MGAT5: variants seen among roughly 807,000 people sequenced by gnomAD.
MGAT5 encodes alpha-1,6-mannosylglycoprotein 6-beta-N-acetylglucosaminyltransferase.
MGAT5 carries 30 observed loss-of-function variants against 94.3 expected under a neutral mutation model. The ratio of observed to expected loss-of-function variants is 0.32; its 90% CI spans 0.24 to 0.43. The LOEUF is 0.43. Among genes scored for constraint, MGAT5 ranks in the 20% least tolerant of loss-of-function variants. MGAT5 has a pLI of 1.00. For synonymous variants in MGAT5, 310 were observed against 322.9 expected (o/e 0.96, Z 0.43); for missense variants, 691 against 905.5 (o/e 0.76, Z 3.04).
Position 134,393,378 on chromosome 2 carries a change from T to G in MGAT5, c.1381-9610T>G, listed in dbSNP as rs1171201270. Among the ~76,000 whole-genome samples the G allele has an allele frequency of 3.3e-5, 5 of 152,294 alleles. No individual in the cohort carries two copies. In the South Asian group the frequency reaches 1.0e-3, roughly 32 times the overall value. Reference sequence around the variant, plus strand: ...CTCCCCTGTCTCCACTCTGAGTAATTAATGCCACCCCTTCTGTGAGACTGC... The same window carrying G: ...CTCCCCTGTCTCCACTCTGAGTAATGAATGCCACCCCTTCTGTGAGACTGC... On this transcript the variant is annotated intron_variant, in intron 10 of 15. Coordinates refer to ENST00000281923, the MANE Select transcript of MGAT5 (RefSeq NM_002410.5).
At chr2:134,381,374 A>AGATAGATAGATAAGATT (rs60788131) in intron 10 of MGAT5, among the ~76,000 whole-genome samples, 3 of 60,674 alleles carry the variant, frequency 4.9e-5, no homozygotes, top group Non-Finnish European at 9.9e-5. Flanking sequence ...TAGATAAGAT[A>AGATAGATAGATAAGATT]AGATAGATTA....
At chr2:134,396,292 A>G (rs1032353706) in intron 10 of MGAT5, among the ~76,000 whole-genome samples, 39 of 152,078 alleles carry the variant, frequency 2.6e-4, no homozygotes, top group African/African-American at 2.4e-5. Flanking sequence ...TGAAATGTAA[A>G]TTTTTTCGGC....
intron 2 of MGAT5, among the ~76,000 whole-genome samples, chr2:134,305,346 G>A (rs1172657102): frequency 6.6e-6 from 1 of 152,118 alleles, no homozygotes; most frequent in East Asian, 1.9e-4. Flanking sequence ...TAGAATCCCT[G>A]TTTCTAACCA....
intron 1 of MGAT5, among the ~76,000 whole-genome samples, chr2:134,153,169 C>G (rs909835230): frequency 3.9e-5 from 6 of 152,178 alleles, no homozygotes; most frequent in African/African-American, 1.4e-4. Context: ...ATCTGCCTGC[C>G]TCAGCCTCCC....
chr2:134,179,643 G>A (rs1688642519), intron 1 of MGAT5, among the ~76,000 whole-genome samples: 1 of 152,228 alleles, frequency 6.6e-6, no homozygotes, highest in Non-Finnish European at 1.5e-5. Flanking sequence ...AACCCAGGCA[G>A]TCTGGTCCCC....
chr2:134,167,137 A>G (rs17711951), intron 1 of MGAT5, among the ~76,000 whole-genome samples: 1 of 152,274 alleles, frequency 6.6e-6, no homozygotes, highest in Non-Finnish European at 1.5e-5. Context: ...TTTGTTACTG[A>G]TTTGTTCCTG....
intron 1 of MGAT5, among the ~76,000 whole-genome samples, chr2:134,260,670 C>T (rs1169283205): frequency 6.7e-6 from 1 of 150,028 alleles, no homozygotes; most frequent in African/African-American, 2.5e-5. Context: ...GAAATATGGT[C>T]AAGGAATAGG....
intron 1 of MGAT5, among the ~76,000 whole-genome samples, chr2:134,123,850 C>T (rs1685723378): frequency 6.6e-6 from 1 of 152,120 alleles, no homozygotes; most frequent in African/African-American, 2.4e-5. Flanking sequence ...GCATTTGGGA[C>T]TTGTCAGTGC....
chr2:134,377,318 A>G (rs193215071), intron 10 of MGAT5, among the ~76,000 whole-genome samples: 1 of 152,252 alleles, frequency 6.6e-6, no homozygotes, highest in East Asian at 1.9e-4. Context: ...CAGGCCTCAT[A>G]GCTGTGGTCT....
At chr2:134,200,053 T>G (rs1200770033) in intron 1 of MGAT5, among the ~76,000 whole-genome samples, 1 of 152,196 alleles carries the variant, frequency 6.6e-6, no homozygotes, top group Non-Finnish European at 1.5e-5. Flanking sequence ...GATGTCATGT[T>G]GAAATGAGGA....
chr2:134,301,157 A>C (rs887929149), intron 2 of MGAT5, among the ~76,000 whole-genome samples: 4 of 152,140 alleles, frequency 2.6e-5, no homozygotes, highest in Admixed American at 2.0e-4. Flanking sequence ...TTTTCTCAGC[A>C]TAGCGTTTTC....
chr2:134,176,805 T>C (rs1483258452), intron 1 of MGAT5, among the ~76,000 whole-genome samples: 3 of 152,154 alleles, frequency 2.0e-5, no homozygotes, highest in Admixed American at 1.3e-4. Context: ...TGCTGCAGGC[T>C]CCCCTTGGAG....
chr2:134,246,185 AAAG>A (rs1394946967), intron 1 of MGAT5, among the ~76,000 whole-genome samples: 3 of 151,594 alleles, frequency 2.0e-5, no homozygotes, highest in African/African-American at 7.3e-5. Context: ...AAAAAAAAAA[AAAG>A]GACCCAGGTC....
At chr2:134,402,967 T>C (rs761268589) in intron 10 of MGAT5, 21 bp from the exon 11 acceptor site, 2 of 1,575,016 alleles carry the variant, frequency 1.3e-6, no homozygotes, top group East Asian at 4.6e-5. Flanking sequence ...AGAAATGTCT[T>C]GTGCTTGTTT....
chr2:134,350,007 T>C (rs1679267354), intron 9 of MGAT5, 69 bp downstream of exon 9: 2 of 1,579,662 alleles, frequency 1.3e-6, no homozygotes, highest in Non-Finnish European at 1.7e-6. Context: ...TTAGCCGCCA[T>C]CTATTTTGGG....
At chr2:134,160,400 C>A (rs1687676707) in intron 1 of MGAT5, among the ~76,000 whole-genome samples, 1 of 152,230 alleles carries the variant, frequency 6.6e-6, no homozygotes, top group Non-Finnish European at 1.5e-5. Context: ...TCTCGACCTC[C>A]TGACCTCGTG....
chr2:134,201,828 T>TTTTA (rs1347896447), intron 1 of MGAT5, among the ~76,000 whole-genome samples: 4 of 119,814 alleles, frequency 3.3e-5, no homozygotes, highest in Non-Finnish European at 7.2e-5. Context: ...TTTTTTTTTT[T>TTTTA]TTTTTTTTTT....
chr2:134,128,392 G>C (rs1685954245), intron 1 of MGAT5, among the ~76,000 whole-genome samples: 1 of 152,164 alleles, frequency 6.6e-6, no homozygotes. Context: ...CTTTCCCCTA[G>C]TACCAGCTTG....
chr2:134,432,031 C>T (rs1684910455), intron 14 of MGAT5, among the ~76,000 whole-genome samples: 1 of 152,200 alleles, frequency 6.6e-6, no homozygotes, highest in African/African-American at 2.4e-5. Flanking sequence ...ACGCTGTCTC[C>T]AGCAGGGAGA....
Sources: gnomAD v4.1 joint callset for allele counts (sites outside exome capture counted in the v4.1 genomes callset) on GRCh38, gnomAD v4.1.1 for gene constraint, MANE v1.5 for transcripts, NCBI Gene and HGNC (gene_info 2026-07-23, HGNC 2026-07-21) for gene names.